Variants in XPO4 observed in about 807,000 individuals in gnomAD.
The protein encoded by XPO4 is exportin-4.
Under a neutral mutation model 143.0 loss-of-function variants are expected in XPO4, and 39 were observed. The ratio of observed to expected loss-of-function variants is 0.27; its 90% CI spans 0.21 to 0.36. The LOEUF is 0.36. Ranked by LOEUF, XPO4 falls within the 10% of genes least tolerant of loss-of-function variation. XPO4 has a pLI of 1.00. For missense variants in XPO4, 907 were observed against 1,348.0 expected (o/e 0.67, Z 5.12); for synonymous variants, 439 against 474.0 (o/e 0.93, Z 0.96).
At chr13:20,849,445 A>G in intron 4 of XPO4, 3 of 984,228 alleles carry the variant, frequency 3.0e-6, no homozygotes. Context: ...ACAAATATGA[A>G]TTATATGTTT....
At chr13:20,867,497 G>A (rs1197467278) in intron 2 of XPO4, among the ~76,000 whole-genome samples, 2 of 152,062 alleles carry the variant, frequency 1.3e-5, no homozygotes, top group Non-Finnish European at 2.9e-5. Flanking sequence ...ATCCATTAAG[G>A]CAAATGGTAT....
chr13:20,799,425 T>A, intron 15 of XPO4, 86 bp from the exon 16 acceptor site: 1 of 1,205,608 alleles, frequency 8.3e-7, no homozygotes, highest in Non-Finnish European at 1.1e-6. Context: ...AAAACAAAAA[T>A]AAAAAATAAC....
chr13:20,890,358 G>A (rs1455293259), intron 1 of XPO4, among the ~76,000 whole-genome samples: 2 of 152,070 alleles, frequency 1.3e-5, no homozygotes, highest in Non-Finnish European at 1.5e-5. Context: ...GCTGAGGTGG[G>A]AGGATTGCTT....
At chr13:20,848,843 A>T in intron 4 of XPO4, 6 of 985,328 alleles carry the variant, frequency 6.1e-6, no homozygotes, top group Non-Finnish European at 7.2e-6. Flanking sequence ...AAACAAGTAG[A>T]AGACAATGCA....
intron 3 of XPO4, among the ~76,000 whole-genome samples, chr13:20,860,314 G>C (rs951987511): frequency 3.9e-5 from 6 of 152,044 alleles, no homozygotes; most frequent in African/African-American, 1.4e-4. Context: ...AAACACAGAG[G>C]CCCTAAGGCT....
At chr13:20,834,961 A>G (rs1595112455) in intron 6 of XPO4, among the ~76,000 whole-genome samples, 1 of 152,324 alleles carries the variant, frequency 6.6e-6, no homozygotes, top group African/African-American at 2.4e-5. Flanking sequence ...CCCTATCTCT[A>G]TAAATAATAA....
rs2059132622 is a variant in XPO4, at chr13:20,780,694, AT to A, written c.*3027del. Reference sequence around the variant, plus strand: ...CTGCAGTTTGTTTACATTAAAAGTCATACTTTACACCAGACAAAAACTCAAT... The same window carrying A: ...CTGCAGTTTGTTTACATTAAAAGTCAACTTTACACCAGACAAAAACTCAAT... On this transcript the variant is annotated 3_prime_UTR_variant, in exon 23 of 23. Transcript: ENST00000255305. 1 of 152,242 alleles carries A rather than the reference AT, an allele frequency of 6.6e-6. No homozygotes were observed. The highest frequency in any genetic ancestry group is 1.5e-5 in the Non-Finnish European group (1 of 68,046). 9.4% of individuals were successfully genotyped at this position (152,242 alleles called of 1,614,324 possible).
chr13:20,831,828 T>TG (rs67746546), intron 6 of XPO4, among the ~76,000 whole-genome samples: 1 of 126,250 alleles, frequency 7.9e-6, no homozygotes, highest in Admixed American at 7.9e-5. Flanking sequence ...TTTTTTTTTT[T>TG]GGTCTCTGTA....
At chr13:20,848,783 C>T in intron 4 of XPO4, 11 of 985,082 alleles carry the variant, frequency 1.1e-5, no homozygotes, top group Non-Finnish European at 1.3e-5. Context: ...ATGATGTGTT[C>T]CCTATTTTTT....
Position 20,840,043 on chromosome 13 carries a change from A to C in XPO4, c.727+2852T>G, listed in dbSNP as rs1157660663. 2.0e-5 allele frequency among the ~76,000 whole-genome samples: 3 copies of C among 151,994 alleles called. No homozygotes were observed. The East Asian group carries it at 5.8e-4, about 29-fold the overall frequency. On this transcript the variant is annotated intron_variant, in intron 6 of 22. Coordinates refer to ENST00000255305, the MANE Select transcript of XPO4 (RefSeq NM_022459.5). The stretch of plus-strand genomic sequence containing the variant: ...AATATAAAATATAGATACAAAAAAG[A>C]AAGCAGATTAGAAAAAATTAATAAA...
chr13:20,902,460 G>C, intron 1 of XPO4: 1 of 985,434 alleles, frequency 1.0e-6, no homozygotes, highest in Non-Finnish European at 1.2e-6. Flanking sequence ...GGGCAGCCAG[G>C]GGAAGGGGAC....
intron 1 of XPO4, among the ~76,000 whole-genome samples, chr13:20,885,816 T>C (rs552744783): frequency 1.1e-4 from 8 of 73,972 alleles, no homozygotes; most frequent in African/African-American, 3.9e-4. Flanking sequence ...TAAAATAAGT[T>C]TACAAAAGTA....
chr13:20,840,841 T>G lies in XPO4; in HGVS notation c.727+2054A>C, dbSNP rs561045535. Among the ~76,000 whole-genome samples the G allele has an allele frequency of 7.2e-5, 11 of 152,328 alleles. No homozygotes were observed. In the South Asian group the frequency reaches 2.3e-3, roughly 32 times the overall value. On this transcript the variant is annotated intron_variant, in intron 6 of 22. Coordinates refer to ENST00000255305, the MANE Select transcript of XPO4 (RefSeq NM_022459.5). ...CTATATGAAAAGGTCACACAAGAAC[T>G]CACTCATAAGCCATGAAGCAAAATA... is the stretch of plus-strand genomic sequence containing the variant.
At chr13:20,886,428 A>G (rs1258835413) in intron 1 of XPO4, among the ~76,000 whole-genome samples, 2 of 151,976 alleles carry the variant, frequency 1.3e-5, no homozygotes, top group African/African-American at 4.8e-5. Context: ...CCTGGCCAAT[A>G]TGGTAAAACC....
chr13:20,800,149 G>T lies in XPO4; in HGVS notation c.2147+7C>A, dbSNP rs548205398. 16 of 1,613,574 alleles carry T rather than the reference G, an allele frequency of 9.9e-6. No homozygotes were observed. The highest frequency in any genetic ancestry group is 1.4e-5 in the Non-Finnish European group (16 of 1,179,798). On this transcript the variant is annotated splice_region_variant and intron_variant, in intron 15 of 22. Coordinates refer to ENST00000255305, the MANE Select transcript of XPO4 (RefSeq NM_022459.5). ...CACACACAGTCAGCCTCCAACAATG[G>T]GCTAACCTTTCTCTTCTTTCCACCA...
chr13:20,817,337 T>TA (rs1395574717), intron 9 of XPO4, among the ~76,000 whole-genome samples: 4 of 152,228 alleles, frequency 2.6e-5, no homozygotes, highest in African/African-American at 9.6e-5. Flanking sequence ...AATGCTGACC[T>TA]CTAAATACAC....
At chr13:20,892,899 A>C (rs544820269) in intron 1 of XPO4, among the ~76,000 whole-genome samples, 24 of 151,872 alleles carry the variant, frequency 1.6e-4, no homozygotes, top group African/African-American at 5.3e-4. Context: ...TAAAAAAAAA[A>C]AAATAAAAGA....
At chr13:20,891,201 C>CCACAGTGGCTCCA (rs2138180255) in intron 1 of XPO4, among the ~76,000 whole-genome samples, 1 of 150,194 alleles carries the variant, frequency 6.7e-6, no homozygotes, top group East Asian at 2.0e-4. Flanking sequence ...GTAGCCACTA[C>CCACAGTGGCTCCA]CACAGTGGCT....
Position 20,862,805 on chromosome 13 carries a change from CT to C in XPO4, c.228del (p.Ala77GlnfsTer22). 1 of 1,614,182 alleles carries C rather than the reference CT, an allele frequency of 6.2e-7. No individual in the cohort carries two copies. Among genetic ancestry groups the C allele is most frequent in the Non-Finnish European group, 8.5e-7 (1 of 1,180,012 alleles). On this transcript the variant is annotated frameshift_variant, in exon 3 of 23. Transcript: ENST00000255305. LOFTEE classifies it high-confidence loss of function. ...VLFQAATAIM[E>X]AVVREWILLE... ...AAGAGAATCCACTCTCGGACAACTGCTTCCATTATGGCTGTGGCAGCTTGAA... is the reference window on the plus strand; with the variant it reads ...AAGAGAATCCACTCTCGGACAACTGCTCCATTATGGCTGTGGCAGCTTGAA...
Sources: gnomAD v4.1 joint callset for allele counts (sites outside exome capture counted in the v4.1 genomes callset) on GRCh38, gnomAD v4.1.1 for gene constraint, MANE v1.5 for transcripts, NCBI Gene and HGNC (gene_info 2026-07-23, HGNC 2026-07-21) for gene names.